Variants in AK8 observed in about 807,000 individuals in gnomAD.
The protein encoded by AK8 is adenylate kinase 8, also known as ATP-AMP transphosphorylase 8.
AK8 carries 44 observed loss-of-function variants against 54.6 expected under a neutral mutation model. The ratio of observed to expected loss-of-function variants is 0.81; its 90% CI spans 0.63 to 1.04. The LOEUF (loss-of-function observed/expected upper bound fraction) is 1.04, where lower values mean the gene tolerates loss of function less well. Among genes scored for constraint, AK8 ranks in the 50% least tolerant of loss-of-function variants. AK8 has a pLI of 0.00. For missense variants in AK8, 555 were observed against 613.6 expected (o/e 0.90, Z 1.01); for synonymous variants, 239 against 245.6 (o/e 0.97, Z 0.25).
chr9:132,818,708 C>T (rs1338628086), intron 9 of AK8, among the ~76,000 whole-genome samples: 1 of 152,016 alleles, frequency 6.6e-6, no homozygotes, highest in East Asian at 1.9e-4. Flanking sequence ...AAAAAACAGG[C>T]CAGGCTTGAG....
intron 11 of AK8, among the ~76,000 whole-genome samples, chr9:132,742,507 G>T (rs969713697): frequency 6.6e-6 from 1 of 152,176 alleles, no homozygotes; most frequent in South Asian, 2.1e-4. Context: ...TTGAACCAAG[G>T]TCACACTCTG....
At chr9:132,794,893 G>A (rs1457894657) in intron 10 of AK8, among the ~76,000 whole-genome samples, 4 of 152,278 alleles carry the variant, frequency 2.6e-5, no homozygotes, top group African/African-American at 9.6e-5. Flanking sequence ...CCTATCTGCT[G>A]AAAGGATAAG....
intron 11 of AK8, among the ~76,000 whole-genome samples, chr9:132,772,214 T>TA (rs1292124020): frequency 6.6e-6 from 1 of 152,192 alleles, no homozygotes; most frequent in Non-Finnish European, 1.5e-5. Flanking sequence ...CACTGGGTGT[T>TA]AGACTCTGGT....
chr9:132,797,275 A>T (rs776363548), intron 10 of AK8, among the ~76,000 whole-genome samples: 1 of 146,190 alleles, frequency 6.8e-6, no homozygotes, highest in Non-Finnish European at 1.5e-5. Flanking sequence ...TACTGGGCCC[A>T]CGGAAAGCAT....
intron 10 of AK8, among the ~76,000 whole-genome samples, chr9:132,813,748 T>TC (rs1841186199): frequency 6.6e-6 from 1 of 152,102 alleles, no homozygotes; most frequent in South Asian, 2.1e-4. Context: ...ACTAGAATGC[T>TC]CCCAAAGGTG....
At chr9:132,748,944 G>A (rs1175148881) in intron 11 of AK8, among the ~76,000 whole-genome samples, 3 of 151,818 alleles carry the variant, frequency 2.0e-5, no homozygotes, top group African/African-American at 7.3e-5. Context: ...GCGCGATCTC[G>A]GCTCACTGCA....
chr9:132,752,545 G>A (rs1837984949), intron 11 of AK8, among the ~76,000 whole-genome samples: 3 of 152,132 alleles, frequency 2.0e-5, no homozygotes, highest in Admixed American at 6.5e-5. Context: ...CACTGCACCC[G>A]GCCTACATTT....
chr9:132,830,769 C>T (rs1175477455), intron 5 of AK8, among the ~76,000 whole-genome samples: 1 of 152,180 alleles, frequency 6.6e-6, no homozygotes, highest in Non-Finnish European at 1.5e-5. Context: ...TTGCTTTTAA[C>T]ACACCAGTTT....
At chr9:132,777,281 G>A (rs542142322) in intron 11 of AK8, among the ~76,000 whole-genome samples, 74 of 152,234 alleles carry the variant, frequency 4.9e-4, no homozygotes, top group African/African-American at 1.7e-3. Flanking sequence ...GCCCCTATTG[G>A]TGCCAGTTGT....
intron 9 of AK8, among the ~76,000 whole-genome samples, chr9:132,817,014 T>C (rs1173241806): frequency 6.6e-6 from 1 of 152,178 alleles, no homozygotes; most frequent in Non-Finnish European, 1.5e-5. Flanking sequence ...TCCAGAGGCC[T>C]GGTAGAGAAA....
rs749147088 is a variant in AK8 at position 132,837,319 on chromosome 9, G to GA, written c.403-8594dup. On this transcript the variant is annotated intron_variant, in intron 5 of 12. Coordinates refer to ENST00000298545, the MANE Select transcript of AK8 (RefSeq NM_152572.3). The surrounding 1 kb of genome is among the most constrained non-coding windows in gnomAD (Gnocchi z 4.3). The stretch of plus-strand genomic sequence containing the variant: ...GGGTGACAGAGCAAGACTCCATCTC[G>GA]AAAAAAAAAAAAAAAAAAAGAATGA... Among the ~76,000 whole-genome samples, 1,426 of 89,518 alleles carry GA rather than the reference G, an allele frequency of 0.016. 13 individuals are homozygous for GA. The highest frequency in any genetic ancestry group is 0.022 in the Non-Finnish European group (974 of 43,788). 58.7% of individuals were successfully genotyped at this position (89,518 alleles called of 152,430 possible).
At chr9:132,873,093 G>A (rs1176128656) in intron 2 of AK8, among the ~76,000 whole-genome samples, 3 of 152,296 alleles carry the variant, frequency 2.0e-5, no homozygotes, top group Admixed American at 6.5e-5. Flanking sequence ...GATTACAGGC[G>A]TGAGCCACCG....
At chr9:132,875,081 G>T (rs1394238266) in intron 2 of AK8, 34 bp downstream of exon 2, 3 of 1,612,514 alleles carry the variant, frequency 1.9e-6, no homozygotes, top group Non-Finnish European at 2.5e-6. Flanking sequence ...GGGAAGGGAA[G>T]ACGAGGAGGG....
intron 10 of AK8, among the ~76,000 whole-genome samples, chr9:132,793,062 T>C (rs528189111): frequency 9.6e-6 from 1 of 103,740 alleles, no homozygotes; most frequent in Non-Finnish European, 2.5e-5. Context: ...TGTGAGCAGA[T>C]TGTCCCCCTG....
chr9:132,812,228 C>CTTTT lies in AK8; in HGVS notation c.979+2406_979+2409dup, dbSNP rs528951216. On this transcript the variant is annotated intron_variant, in intron 10 of 12. Transcript: ENST00000298545. ...CCATTGCTGCTGCTTGCTACTGTGG[C>CTTTT]TTTTTTTTTTTTTTTTTTTTTTTGA... Among the ~76,000 whole-genome samples the CTTTT allele has an allele frequency of 9.4e-4, 87 of 92,558 alleles. 3 individuals carry two copies. Among genetic ancestry groups the CTTTT allele is most frequent in the Non-Finnish European group, 1.0e-3 (49 of 49,004 alleles). 60.7% of individuals were successfully genotyped at this position (92,558 alleles called of 152,430 possible). A position where few individuals can be genotyped will look rare whatever the true frequency, so the allele number is the denominator to read the frequency against.
chr9:132,825,779 C>T (rs1219942484), intron 8 of AK8, among the ~76,000 whole-genome samples: 3 of 152,186 alleles, frequency 2.0e-5, no homozygotes, highest in Non-Finnish European at 4.4e-5. Flanking sequence ...CCCGGCAAAA[C>T]AGGACTTTTC....
chr9:132,761,624 T>C (rs1292813072), intron 11 of AK8, among the ~76,000 whole-genome samples: 1 of 152,218 alleles, frequency 6.6e-6, no homozygotes, highest in African/African-American at 2.4e-5. Context: ...CTGTTTTATC[T>C]ATGTTTCCAA....
chr9:132,866,783 A>G (rs1160553977), intron 3 of AK8, 121 bp downstream of exon 3: 5 of 955,870 alleles, frequency 5.2e-6, no homozygotes, highest in Non-Finnish European at 8.2e-6. Flanking sequence ...AATAAGAAGG[A>G]GGAGAAGGAA....
At chr9:132,861,376 A>G (rs536971280) in intron 4 of AK8, 3 of 152,306 alleles carry the variant, frequency 2.0e-5, no homozygotes, top group African/African-American at 7.2e-5. Flanking sequence ...GAATTAGTAA[A>G]TGAATTGAGT....
Sources: gnomAD v4.1 joint callset for allele counts (sites outside exome capture counted in the v4.1 genomes callset) on GRCh38, gnomAD v4.1.1 for gene constraint, Gnocchi (gnomAD v3.1) non-coding constraint, MANE v1.5 for transcripts, NCBI Gene and HGNC (gene_info 2026-07-23, HGNC 2026-07-21) for gene names.